FAM133B: variants seen among roughly 807,000 people sequenced by gnomAD.
FAM133B encodes the protein protein FAM133B.
In FAM133B, 25 loss-of-function variants were observed where a neutral mutation model predicts 46.4. That is an observed-to-expected ratio of 0.54 (90% CI 0.39 to 0.75). The LOEUF (loss-of-function observed/expected upper bound fraction) is 0.75, where lower values mean the gene tolerates loss of function less well. Ranked by LOEUF, FAM133B falls within the 30% of genes least tolerant of loss-of-function variation. FAM133B has a pLI of 0.00. For synonymous variants in FAM133B, 75 were observed against 86.0 expected, an observed-to-expected ratio of 0.87 and a Z score of 0.71; for missense variants, 205 against 277.6, an observed-to-expected ratio of 0.74 and a Z score of 1.86.
intron 9 of FAM133B, among the ~76,000 whole-genome samples, chr7:92,568,917 TA>T (rs754051705): frequency 7.2e-5 from 11 of 152,000 alleles, no homozygotes; most frequent in Non-Finnish European, 1.6e-4. Flanking sequence ...CAATAGGTCT[TA>T]AAGGACCAAG....
At chr7:92,581,793 ATTGTGTGTGTGT>A (rs1794881356) in intron 1 of FAM133B, 190 bp from the exon 2 acceptor site, 1 of 452,850 alleles carries the variant, frequency 2.2e-6, no homozygotes. Flanking sequence ...TTGGGAGAAA[ATTGTGTGTGTGT>A]GTGTGTGTGT....
intron 8 of FAM133B, 117 bp from the exon 9 acceptor site, chr7:92,570,032 TG>T: frequency 2.3e-6 from 1 of 442,720 alleles, no homozygotes; most frequent in Non-Finnish European, 3.9e-6. Context: ...TATTTTAGAA[TG>T]TCTAAAAAGT....
rs565405584 is a variant in FAM133B at position 92,571,246 on chromosome 7, C to A, written c.517-1331G>T. On this transcript the variant is annotated intron_variant, in intron 8 of 10. Transcript: ENST00000445716. Reference sequence around the variant, plus strand: ...TCATCCATTTATGAATCACACTTTACCAAGAAGCCTCCCTCTCAGGCTCTT... The same window carrying A: ...TCATCCATTTATGAATCACACTTTAACAAGAAGCCTCCCTCTCAGGCTCTT... 3.3e-5 allele frequency among the ~76,000 whole-genome samples: 5 copies of A among 152,318 alleles called. No homozygotes were observed. In the South Asian group the frequency reaches 1.0e-3, roughly 32 times the overall value.
chr7:92,574,366 G>A (rs1458232531), intron 8 of FAM133B, among the ~76,000 whole-genome samples: 3 of 152,138 alleles, frequency 2.0e-5, no homozygotes, highest in Admixed American at 6.5e-5. Flanking sequence ...ATCCAGAATA[G>A]GCAAATCCAT....
At chr7:92,572,236 C>T (rs186721721) in intron 8 of FAM133B, among the ~76,000 whole-genome samples, 20 of 152,276 alleles carry the variant, frequency 1.3e-4, no homozygotes, top group African/African-American at 3.6e-4. Flanking sequence ...AGAAGCTCAA[C>T]CATTTGTATA....
chr7:92,572,578 G>T (rs1273813809), intron 8 of FAM133B, among the ~76,000 whole-genome samples: 1 of 152,168 alleles, frequency 6.6e-6, no homozygotes, highest in African/African-American at 2.4e-5. Flanking sequence ...AAGTAGCTGG[G>T]CGTGGTGGCG....
At chr7:92,572,426 T>TA (rs1369056996) in intron 8 of FAM133B, among the ~76,000 whole-genome samples, 2 of 152,166 alleles carry the variant, frequency 1.3e-5, no homozygotes, top group African/African-American at 4.8e-5. Context: ...TTTAGAAAAT[T>TA]AACAGTAAAC....
chr7:92,590,379 C>G lies in FAM133B; in HGVS notation c.-88G>C. 6.3e-7 allele frequency: 1 copy of G among 1,588,816 alleles called. No homozygotes were observed. Among genetic ancestry groups the G allele is most frequent in the South Asian group, 1.1e-5 (1 of 89,044 alleles). On this transcript the variant is annotated 5_prime_UTR_variant, in exon 1 of 11. Coordinates refer to ENST00000445716, the MANE Select transcript of FAM133B (RefSeq NM_152789.4). ...GGGCCTGCCGCAGGTCCTCTTGCCG[C>G]CTCCCCACTCCGCCTAGAGAGCGGC...
At chr7:92,568,288 G>A (rs900760118) in intron 9 of FAM133B, among the ~76,000 whole-genome samples, 2 of 151,822 alleles carry the variant, frequency 1.3e-5, no homozygotes, top group Admixed American at 6.6e-5. Context: ...TTTGAAGGGC[G>A]TATGTAATAT....
At chr7:92,564,739 T>G (rs73710413) in intron 10 of FAM133B, among the ~76,000 whole-genome samples, 81 of 152,350 alleles carry the variant, frequency 5.3e-4, no homozygotes, top group African/African-American at 1.9e-3. Context: ...TCAAAGGTCA[T>G]AGCTCACATT....
intron 5 of FAM133B, chr7:92,577,919 CA>C (rs1794750855): frequency 3.1e-6 from 2 of 646,622 alleles, no homozygotes; most frequent in Non-Finnish European, 5.4e-6. Flanking sequence ...CCATGGTCAC[CA>C]ATCTTTCTCT....
At chr7:92,585,541 G>A (rs745947462) in intron 1 of FAM133B, 1 of 172,188 alleles carries the variant, frequency 5.8e-6, no homozygotes, top group Non-Finnish European at 1.2e-5. Flanking sequence ...ACTGGGATTC[G>A]CTAAATATAT....
At chr7:92,566,933 G>A (rs766449077) in intron 9 of FAM133B, among the ~76,000 whole-genome samples, 1 of 152,118 alleles carries the variant, frequency 6.6e-6, no homozygotes, top group Non-Finnish European at 1.5e-5. Context: ...AACTGAGGCC[G>A]GGGGCAGCGG....
chr7:92,579,120 G>C, intron 3 of FAM133B, 197 bp downstream of exon 3: 1 of 537,360 alleles, frequency 1.9e-6, no homozygotes, highest in Non-Finnish European at 3.3e-6. Context: ...AACTGAGAGA[G>C]CTATGCCCAA....
chr7:92,572,807 A>C (rs924607992), intron 8 of FAM133B, among the ~76,000 whole-genome samples: 56 of 152,214 alleles, frequency 3.7e-4, no homozygotes, highest in Admixed American at 2.2e-3. Context: ...TTACTGAAAA[A>C]TTAAAACAAT....
chr7:92,585,476 T>C, intron 1 of FAM133B: 4 of 571,842 alleles, frequency 7.0e-6, no homozygotes, highest in Non-Finnish European at 8.8e-6. Flanking sequence ...ATCAAGGATA[T>C]TCAGGTCTAA....
At chr7:92,562,783 C>T (rs533206527) in intron 10 of FAM133B, among the ~76,000 whole-genome samples, 1 of 152,174 alleles carries the variant, frequency 6.6e-6, no homozygotes, top group South Asian at 2.1e-4. Context: ...ATTAAATTTG[C>T]CAGTTTTAAG....
At chr7:92,588,746 T>G (rs1795105184) in intron 1 of FAM133B, among the ~76,000 whole-genome samples, 1 of 152,088 alleles carries the variant, frequency 6.6e-6, no homozygotes, top group South Asian at 2.1e-4. Context: ...AGCATCCTCC[T>G]CTCCCCAGCA....
chr7:92,589,443 T>C (rs1236016692), intron 1 of FAM133B, among the ~76,000 whole-genome samples: 2 of 152,228 alleles, frequency 1.3e-5, no homozygotes, highest in Non-Finnish European at 2.9e-5. Context: ...CTCTTTTATC[T>C]CATTCACTAG....
Sources: allele counts gnomAD v4.1 joint callset (sites outside exome capture counted in the v4.1 genomes callset), GRCh38; gene constraint gnomAD v4.1.1; transcripts MANE v1.5; gene names NCBI Gene and HGNC (gene_info 2026-07-23, HGNC 2026-07-21).